The following DTNA variants were observed in gnomAD, a reference collection of about 807,000 sequenced individuals.
The protein encoded by DTNA is dystrophin-related protein 3.
In DTNA, 43 loss-of-function variants were observed where a neutral mutation model predicts 100.7. The observed-to-expected ratio is 0.43, with a 90% CI of 0.33 to 0.55. The LOEUF is 0.55. DTNA is among the 20% of genes least tolerant of loss of function. The probability of loss-of-function intolerance (pLI) is 0.04; values close to 1 mark genes in which losing one functional copy is unlikely to be tolerated. For missense variants in DTNA, 798 were observed against 953.9 expected (o/e 0.84, Z 2.15); for synonymous variants, 349 against 347.9 (o/e 1.00, Z -0.04).
chr18:34,834,376 G>T (rs538842907), intron 11 of DTNA, among the ~76,000 whole-genome samples: 1 of 151,980 alleles, frequency 6.6e-6, no homozygotes, highest in South Asian at 2.1e-4. Context: ...GGTGGTGGGT[G>T]CCTGTAATCC....
At chr18:34,571,782 GC>G (rs756004571) in intron 1 of DTNA, among the ~76,000 whole-genome samples, 21 of 152,152 alleles carry the variant, frequency 1.4e-4, no homozygotes, top group Non-Finnish European at 2.9e-4. Flanking sequence ...AAGCTTTCTA[GC>G]ACAGCTGATG....
intron 16 of DTNA, among the ~76,000 whole-genome samples, chr18:34,863,311 G>C (rs888507301): frequency 1.1e-4 from 17 of 151,994 alleles, no homozygotes; most frequent in African/African-American, 4.1e-4. Context: ...TTTAATAAAA[G>C]GTCTGTAAAA....
intron 3 of DTNA, among the ~76,000 whole-genome samples, chr18:34,779,184 G>A (rs1192001407): frequency 6.6e-6 from 1 of 152,168 alleles, no homozygotes; most frequent in Non-Finnish European, 1.5e-5. Context: ...ATAGGAGCAA[G>A]TAATCTAAGG....
intron 20 of DTNA, among the ~76,000 whole-genome samples, chr18:34,881,106 T>G (rs1234861617): frequency 5.3e-5 from 8 of 152,218 alleles, no homozygotes; most frequent in Admixed American, 1.3e-4. Context: ...GGCAGACCCA[T>G]TTAGCCTGGC....
At chr18:34,875,143 T>G (rs1395393305) in intron 17 of DTNA, 96 bp from the exon 18 acceptor site, 16 of 1,535,832 alleles carry the variant, frequency 1.0e-5, no homozygotes, top group Non-Finnish European at 1.4e-5. Context: ...CTTTGAAATT[T>G]CATTGTCACT....
intron 22 of DTNA, 58 bp downstream of exon 22, chr18:34,884,834 C>A (rs2096907069): frequency 6.4e-7 from 1 of 1,560,102 alleles, no homozygotes; most frequent in East Asian, 2.2e-5. Context: ...TTCTGATAAC[C>A]TGTAATGCGA....
chr18:34,572,071 T>TA (rs1459864646), intron 1 of DTNA, among the ~76,000 whole-genome samples: 2 of 152,102 alleles, frequency 1.3e-5, no homozygotes, highest in African/African-American at 2.4e-5. Context: ...AATATATATG[T>TA]AAAAAATCAA....
intron 4 of DTNA, among the ~76,000 whole-genome samples, chr18:34,804,527 T>C (rs2095310828): frequency 6.6e-6 from 1 of 152,090 alleles, no homozygotes; most frequent in South Asian, 2.1e-4. Context: ...CCTTCAAACA[T>C]TTGTTCGGAG....
intron 1 of DTNA, among the ~76,000 whole-genome samples, chr18:34,510,577 T>A (rs1395923642): frequency 6.6e-6 from 1 of 151,710 alleles, no homozygotes; most frequent in African/African-American, 2.4e-5. Context: ...TTGCCACGCC[T>A]TTTATGAGCC....
chr18:34,763,817 C>G (rs2093326847), intron 2 of DTNA, among the ~76,000 whole-genome samples: 1 of 152,038 alleles, frequency 6.6e-6, no homozygotes, highest in Admixed American at 6.6e-5. Context: ...GAATTGAAGC[C>G]CTACTGGGTA....
chr18:34,781,248 A>T (rs1397080065), intron 3 of DTNA, among the ~76,000 whole-genome samples: 1 of 152,186 alleles, frequency 6.6e-6, no homozygotes, highest in Admixed American at 6.5e-5. Flanking sequence ...TTTTTAAAAA[A>T]TTTTGTTTTA....
chr18:34,586,558 C>T (rs780601337), intron 1 of DTNA, among the ~76,000 whole-genome samples: 16 of 152,162 alleles, frequency 1.1e-4, no homozygotes, highest in East Asian at 1.9e-4. Flanking sequence ...CTATCAGACT[C>T]CATCCAGTTT....
At chr18:34,842,138 C>A (rs1281165660) in intron 13 of DTNA, among the ~76,000 whole-genome samples, 1 of 152,078 alleles carries the variant, frequency 6.6e-6, no homozygotes, top group East Asian at 1.9e-4. Context: ...CTAGTTTATA[C>A]CAAGGTCTGT....
chr18:34,869,979 C>CCA (rs2096748932), intron 17 of DTNA, among the ~76,000 whole-genome samples: 1 of 152,170 alleles, frequency 6.6e-6, no homozygotes, highest in African/African-American at 2.4e-5. Context: ...TGAGATCGTG[C>CCA]CACTGCACTC....
chr18:34,862,047 A>G (rs1186737340), intron 16 of DTNA, among the ~76,000 whole-genome samples: 1 of 152,048 alleles, frequency 6.6e-6, no homozygotes, highest in Non-Finnish European at 1.5e-5. Flanking sequence ...GAGAACTGGA[A>G]AGAAATCAGA....
At chr18:34,661,221 A>T (rs2075135993) in intron 1 of DTNA, among the ~76,000 whole-genome samples, 1 of 152,236 alleles carries the variant, frequency 6.6e-6, no homozygotes, top group African/African-American at 2.4e-5. Context: ...TTAATTAATA[A>T]GAGCTAAGGT....
At chr18:34,619,912 T>C (rs907836559) in intron 1 of DTNA, among the ~76,000 whole-genome samples, 3 of 152,186 alleles carry the variant, frequency 2.0e-5, no homozygotes, top group African/African-American at 4.8e-5. Context: ...AGAACACTTA[T>C]GATTTTGGTT....
upstream of DTNA, among the ~76,000 whole-genome samples, chr18:34,706,242 C>G (rs2082104191): frequency 6.6e-6 from 1 of 152,182 alleles, no homozygotes; most frequent in Admixed American, 6.5e-5. Flanking sequence ...GCCACCGCTC[C>G]CAGCCATGAA....
chr18:34,525,764 T>C (rs1012867392), intron 1 of DTNA, among the ~76,000 whole-genome samples: 2 of 152,160 alleles, frequency 1.3e-5, no homozygotes, highest in African/African-American at 4.8e-5. Flanking sequence ...CCAAAGAGAA[T>C]GTGACCTATT....
Sources: gnomAD v4.1 joint callset for allele counts (sites outside exome capture counted in the v4.1 genomes callset) on GRCh38, gnomAD v4.1.1 for gene constraint, MANE v1.5 for transcripts, NCBI Gene and HGNC (gene_info 2026-07-23, HGNC 2026-07-21) for gene names.